Variants in LEMD3 observed in about 807,000 individuals in gnomAD.
LEMD3 encodes LEM domain containing 3.
A neutral mutation model predicts 95.2 loss-of-function variants in LEMD3; 33 were observed. The observed-to-expected ratio is 0.35, with a 90% CI of 0.26 to 0.46. LEMD3 has a LOEUF of 0.46. Ranked by LOEUF, LEMD3 falls within the 20% of genes least tolerant of loss-of-function variation. The pLI is 1.00. For synonymous variants in LEMD3, 525 were observed against 474.6 expected (o/e 1.11, Z -1.38); for missense variants, 1,210 against 1,192.8 (o/e 1.01, Z -0.21).
intron 4 of LEMD3, among the ~76,000 whole-genome samples, chr12:65,234,350 C>G (rs1428081059): frequency 6.6e-6 from 1 of 152,092 alleles, no homozygotes; most frequent in Non-Finnish European, 1.5e-5. Flanking sequence ...CAGGTGGCTA[C>G]AAAAAGTGAA....
intron 1 of LEMD3, 142 bp from the exon 2 acceptor site, chr12:65,210,784 A>G: frequency 2.6e-6 from 2 of 759,028 alleles, no homozygotes; most frequent in Non-Finnish European, 2.4e-6. Context: ...CCTAACCTTT[A>G]TTATCACCAG....
At chr12:65,200,266 G>A (rs4762086) in intron 1 of LEMD3, among the ~76,000 whole-genome samples, 151,607 of 152,218 alleles carry the variant, frequency 1, 75,502 homozygotes, top group Middle Eastern at 1. Context: ...CAGGTAACCA[G>A]TGGGAAACCT....
In LEMD3 at chr12:65,170,893, A is replaced by G; in HGVS notation, c.1297A>G (p.Asn433Asp). 6.2e-7 allele frequency: 1 copy of G among 1,614,220 alleles called. No homozygotes were observed. Among genetic ancestry groups the G allele is most frequent in the Non-Finnish European group, 8.5e-7 (1 of 1,180,028 alleles). ...RINHANHTGS[N>D]HTYLKNTYNK... ...CAATCACGCCAATCATACGGGCTCC[A>G]ATCATACCTACCTGAAAAACACATA... The change falls in exon 1 of 13, where the codon AAT becomes GAT. Residue 433 changes from asparagine to aspartate, a missense_variant. Asn to Asp is a conservative substitution (Grantham distance 23). Coordinates refer to ENST00000308330, the MANE Select transcript of LEMD3 (RefSeq NM_014319.5).
rs1256472039 is a variant in LEMD3 at position 65,246,209 on chromosome 12, C to T, written c.2620C>T (p.Arg874Cys). 10 of 1,612,372 alleles carry T rather than the reference C, an allele frequency of 6.2e-6. No individual in the cohort carries two copies. Among genetic ancestry groups the T allele is most frequent in the Non-Finnish European group, 8.5e-6 (10 of 1,178,740 alleles). Residue 874 changes from arginine (R) to cysteine (C), a missense_variant, in exon 13 of 13, where the codon CGC becomes TGC. Arg to Cys is a radical substitution (Grantham distance 180). Around this residue, in one of 2 missense-constraint regions of LEMD3, gnomAD observed 461 missense variants for 569.8 expected, o/e 0.81. Transcript: ENST00000308330. ...TTTACGACTAGATAGATACCACCAT[C>T]GCTTTCCCCAGGCTCTCACTTCCAA... Reference protein sequence around the residue: ...KYLRLDRYHHRFPQALTSNTP... With the variant: ...KYLRLDRYHHCFPQALTSNTP...
chr12:65,237,496 T>C (rs912516865), intron 4 of LEMD3, among the ~76,000 whole-genome samples: 5 of 152,366 alleles, frequency 3.3e-5, no homozygotes, highest in African/African-American at 1.2e-4. Flanking sequence ...AATGTCAGAC[T>C]GTGCCAGTGA....
Position 65,240,973 on chromosome 12 carries a change from C to A in LEMD3, c.2191C>A (p.Arg731Ser). 6.2e-7 allele frequency: 1 copy of A among 1,614,002 alleles called. No homozygotes were observed. The highest frequency in any genetic ancestry group is 8.5e-7 in the Non-Finnish European group (1 of 1,179,914). Residue 731 changes from arginine to serine, a missense_variant, in exon 9 of 13, where the codon CGC becomes AGC. Physicochemically the swap from Arg to Ser is moderately radical, Grantham distance 110. This residue lies in a region of LEMD3 where 461 missense variants were observed against 569.8 expected (regional missense o/e 0.81). Transcript: ENST00000308330. ...DFLAANESRV[R>S]TETRRIGGAD... ...CCTTGCTGCTAATGAGTCTAGAGTTCGCACGGAAACACGAAGAATAGGTGG... is the reference window on the plus strand; with the variant it reads ...CCTTGCTGCTAATGAGTCTAGAGTTAGCACGGAAACACGAAGAATAGGTGG...
chr12:65,215,983 G>GA lies in LEMD3; in HGVS notation c.1573dup (p.Thr525AsnfsTer9). 6.6e-7 allele frequency: 1 copy of GA among 1,509,324 alleles called. No individual in the cohort carries two copies. The highest frequency in any genetic ancestry group is 9.1e-7 in the Non-Finnish European group (1 of 1,104,108). The allele number at this position is 1,509,324 out of a possible 1,614,324, so 93.5% of individuals were successfully genotyped here. A position where few individuals can be genotyped will look rare whatever the true frequency, so the allele number is the denominator to read the frequency against. On this transcript the variant is annotated frameshift_variant, in exon 3 of 13. Transcript: ENST00000308330. LOFTEE classifies it high-confidence loss of function. Reference sequence around the variant, plus strand: ...TAACTTCTCTTAATTTTAGGAAAGTGAAAAAACTCTTATGATGAACACATT... The same window carrying GA: ...TAACTTCTCTTAATTTTAGGAAAGTGAAAAAAACTCTTATGATGAACACATT...
chr12:65,198,424 T>A (rs1400260639), intron 1 of LEMD3, among the ~76,000 whole-genome samples: 11 of 152,140 alleles, frequency 7.2e-5, no homozygotes. Context: ...ATTTAAGTAA[T>A]AAAAATTACA....
chr12:65,225,809 T>C (rs1870431581), intron 4 of LEMD3, among the ~76,000 whole-genome samples: 1 of 152,212 alleles, frequency 6.6e-6, no homozygotes, highest in African/African-American at 2.4e-5. Context: ...CTCGATCTCC[T>C]GACCTTGTGA....
At chr12:65,235,859 T>C (rs953764340) in intron 4 of LEMD3, among the ~76,000 whole-genome samples, 6 of 152,182 alleles carry the variant, frequency 3.9e-5, no homozygotes, top group Non-Finnish European at 5.9e-5. Flanking sequence ...AATGATCTCA[T>C]ATATAAACCT....
chr12:65,239,977 CAAA>C lies in LEMD3; in HGVS notation c.1972_1974del (p.Lys658del). The C allele has an allele frequency of 6.2e-7, 1 of 1,611,878 alleles. No individual in the cohort carries two copies. The highest frequency in any genetic ancestry group is 8.5e-7 in the Non-Finnish European group (1 of 1,178,418). ...CTGCGTTACATGAAATATCGATGGA[CAAA>C]AGAAGAGGAGGAAACAAGGCAGATG... On this transcript the variant is annotated inframe_deletion, in exon 7 of 13. Coordinates refer to ENST00000308330, the MANE Select transcript of LEMD3 (RefSeq NM_014319.5).
At chr12:65,174,713 G>C (rs913573400) in intron 1 of LEMD3, among the ~76,000 whole-genome samples, 1 of 152,006 alleles carries the variant, frequency 6.6e-6, no homozygotes, top group African/African-American at 2.4e-5. Context: ...TATGTGCCCG[G>C]TATTATTTTA....
intron 2 of LEMD3, among the ~76,000 whole-genome samples, chr12:65,213,864 G>A (rs1209134527): frequency 2.0e-5 from 3 of 152,232 alleles, no homozygotes; most frequent in Admixed American, 6.5e-5. Flanking sequence ...TTTTCCAGAT[G>A]AGAGGAAAAG....
At chr12:65,204,141 C>G (rs1869690193) in intron 1 of LEMD3, among the ~76,000 whole-genome samples, 1 of 151,478 alleles carries the variant, frequency 6.6e-6, no homozygotes, top group South Asian at 2.1e-4. Flanking sequence ...TTAATGTCAT[C>G]AATAGCTTCT....
chr12:65,236,277 C>A (rs1396103643), intron 4 of LEMD3, among the ~76,000 whole-genome samples: 4 of 152,180 alleles, frequency 2.6e-5, no homozygotes, highest in Non-Finnish European at 5.9e-5. Flanking sequence ...CACAGTGGCT[C>A]ATGCCTGTAA....
chr12:65,185,516 ATAT>A (rs777896354), intron 1 of LEMD3, among the ~76,000 whole-genome samples: 26 of 152,158 alleles, frequency 1.7e-4, no homozygotes, highest in Non-Finnish European at 3.4e-4. Flanking sequence ...AAAATATAAA[ATAT>A]TATATGCATG....
Position 65,201,871 on chromosome 12 carries a change from G to A in LEMD3, c.1523-9055G>A, listed in dbSNP as rs550955443. 2.0e-5 allele frequency among the ~76,000 whole-genome samples: 3 copies of A among 152,090 alleles called. 1 individual carries two copies. The South Asian group carries it at 6.2e-4, about 31-fold the overall frequency. ...CTTCATTGTTCATCTTAATGGGAAT[G>A]CTTTGAGTTTCTCACCATTAAGCAT... On this transcript the variant is annotated intron_variant, in intron 1 of 12. Coordinates refer to ENST00000308330, the MANE Select transcript of LEMD3 (RefSeq NM_014319.5).
intron 1 of LEMD3, among the ~76,000 whole-genome samples, chr12:65,207,943 T>A (rs1869814728): frequency 6.6e-6 from 1 of 152,002 alleles, no homozygotes; most frequent in Admixed American, 6.6e-5. Context: ...TTTTTGGAAT[T>A]GGTGGGGGTA....
intron 1 of LEMD3, among the ~76,000 whole-genome samples, 168 bp from the exon 2 acceptor site, chr12:65,210,758 T>A (rs1345647472): frequency 1.3e-5 from 2 of 152,158 alleles, no homozygotes; most frequent in Non-Finnish European, 2.9e-5. Context: ...TAAGTATAAG[T>A]CTGAAAAATT....
Sources: gnomAD v4.1 joint callset for allele counts (sites outside exome capture counted in the v4.1 genomes callset) on GRCh38, gnomAD v4.1.1 for gene constraint, gnomAD v4.1.1 regional missense constraint, MANE v1.5 for transcripts, NCBI Gene and HGNC (gene_info 2026-07-23, HGNC 2026-07-21) for gene names.